The following SUGCT variants were observed in gnomAD, a reference collection of about 807,000 sequenced individuals.
SUGCT encodes the protein succinyl-CoA:glutarate CoA-transferase.
Under a neutral mutation model 55.0 loss-of-function variants are expected in SUGCT, and 41 were observed. That is an observed-to-expected ratio of 0.74 (90% CI 0.58 to 0.97). SUGCT has a LOEUF of 0.97. SUGCT is among the 50% of genes least tolerant of loss of function. The pLI is 0.00. For missense variants in SUGCT, 568 were observed against 547.8 expected, an observed-to-expected ratio of 1.04 and a Z score of -0.37; for synonymous variants, 187 against 200.4, an observed-to-expected ratio of 0.93 and a Z score of 0.56.
chr7:40,801,142 G>A (rs1439987327), intron 13 of SUGCT, among the ~76,000 whole-genome samples: 2 of 152,230 alleles, frequency 1.3e-5, no homozygotes, highest in Non-Finnish European at 2.9e-5. Flanking sequence ...CTGCCAGCAA[G>A]TGGCTTGATA....
chr7:40,908,243 C>G, the SUGCT span, among the ~76,000 whole-genome samples: 3 of 151,574 alleles, frequency 2.0e-5, no homozygotes, highest in African/African-American at 4.9e-5. Flanking sequence ...ATTAGCTGGG[C>G]GTGGTGGCGG....
chr7:40,612,012 C>CCT (rs369198545), intron 12 of SUGCT, among the ~76,000 whole-genome samples: 1,521 of 145,254 alleles, frequency 0.01, 12 homozygotes, highest in Non-Finnish European at 0.015. Flanking sequence ...ATTCCCCCCC[C>CCT]TTTTTTTTTT....
At chr7:40,249,513 A>G (rs2150926359) in intron 7 of SUGCT, among the ~76,000 whole-genome samples, 1 of 149,676 alleles carries the variant, frequency 6.7e-6, no homozygotes, top group East Asian at 1.9e-4. Flanking sequence ...ATATTATAGA[A>G]ATTATGGGTT....
intron 12 of SUGCT, among the ~76,000 whole-genome samples, chr7:40,497,818 G>A (rs1792067706): frequency 6.6e-6 from 1 of 151,868 alleles, no homozygotes; most frequent in Non-Finnish European, 1.5e-5. Context: ...TGTTTTATTA[G>A]AGATGAAGGC....
At chr7:40,307,432 T>A (rs6954108) in intron 8 of SUGCT, among the ~76,000 whole-genome samples, 143,667 of 152,008 alleles carry the variant, frequency 0.95, 68,422 homozygotes, top group East Asian at 1. Context: ...AGTTTGAGAG[T>A]AGTCTGATTC....
intron 1 of SUGCT, among the ~76,000 whole-genome samples, chr7:40,154,464 T>G (rs545298430): frequency 2.0e-5 from 3 of 152,320 alleles, no homozygotes; most frequent in African/African-American, 7.2e-5. Context: ...CTCTGAGATT[T>G]GGGTGTAGAA....
chr7:40,978,958 A>T, the SUGCT span, among the ~76,000 whole-genome samples: 88 of 152,364 alleles, frequency 5.8e-4, no homozygotes, highest in Admixed American at 1.0e-3. Flanking sequence ...TACAAAGATC[A>T]CTTTGGCTGA....
intron 8 of SUGCT, among the ~76,000 whole-genome samples, chr7:40,310,397 G>A (rs900525454): frequency 6.6e-6 from 1 of 152,126 alleles, no homozygotes; most frequent in Non-Finnish European, 1.5e-5. Flanking sequence ...GACTAAATAC[G>A]GAGCCAGGAT....
At chr7:41,001,225 A>G in the SUGCT span, among the ~76,000 whole-genome samples, 1 of 152,054 alleles carries the variant, frequency 6.6e-6, no homozygotes. Context: ...GCACTTCAAC[A>G]TTTAAGGTCA....
intron 12 of SUGCT, among the ~76,000 whole-genome samples, chr7:40,650,527 T>A (rs374587763): frequency 6.6e-6 from 1 of 152,194 alleles, no homozygotes; most frequent in Non-Finnish European, 1.5e-5. Flanking sequence ...TTTTACCTCC[T>A]CTTATAATCT....
At chr7:40,147,272 CA>C (rs138691190) in intron 1 of SUGCT, among the ~76,000 whole-genome samples, 5,646 of 152,204 alleles carry the variant, frequency 0.037, 337 homozygotes, top group African/African-American at 0.13. Flanking sequence ...GTGTGAGGTT[CA>C]ACCCCCTCCC....
At chr7:40,514,763 A>G (rs185308852) in intron 12 of SUGCT, among the ~76,000 whole-genome samples, 166 of 150,472 alleles carry the variant, frequency 1.1e-3, no homozygotes, top group African/African-American at 3.7e-3. Context: ...GCGATGAGAG[A>G]TTTGCTTCAA....
intron 12 of SUGCT, among the ~76,000 whole-genome samples, chr7:40,609,470 G>A (rs1798674502): frequency 6.6e-6 from 1 of 151,500 alleles, no homozygotes; most frequent in East Asian, 1.9e-4. Context: ...GGGAGGCTGA[G>A]GCAGGAGAAT....
chr7:40,321,883 C>T (rs945845598), intron 9 of SUGCT, among the ~76,000 whole-genome samples: 16 of 152,078 alleles, frequency 1.1e-4, no homozygotes, highest in African/African-American at 2.9e-4. Context: ...AATAGTGCTG[C>T]GATAAACATG....
chr7:40,185,667 C>T (rs943048266), intron 3 of SUGCT, among the ~76,000 whole-genome samples: 18 of 152,148 alleles, frequency 1.2e-4, no homozygotes, highest in Non-Finnish European at 1.8e-4. Context: ...GGATTACAGG[C>T]ATATGCCATC....
chr7:40,155,174 A>G (rs1396883729), intron 1 of SUGCT, among the ~76,000 whole-genome samples: 1 of 152,126 alleles, frequency 6.6e-6, no homozygotes, highest in Non-Finnish European at 1.5e-5. Flanking sequence ...AATTCCAGCT[A>G]CTTGGGAGGC....
At chr7:40,184,133 C>G (rs958366506) in intron 3 of SUGCT, among the ~76,000 whole-genome samples, 1 of 152,102 alleles carries the variant, frequency 6.6e-6, no homozygotes, top group Non-Finnish European at 1.5e-5. Context: ...CGAGACCATG[C>G]CATTGCACCC....
chr7:40,952,971 T>C, the SUGCT span, among the ~76,000 whole-genome samples: 120,868 of 152,002 alleles, frequency 0.8, 48,182 homozygotes, highest in Middle Eastern at 0.83. Context: ...GTGGCCTTCT[T>C]TCTATTTCCT....
At chr7:40,815,743 G>C (rs993398130) in intron 13 of SUGCT, among the ~76,000 whole-genome samples, 12 of 151,848 alleles carry the variant, frequency 7.9e-5, no homozygotes, top group Non-Finnish European at 1.6e-4. Context: ...AAGCAGAGAG[G>C]GCCTCCCTGT....
Sources: gnomAD v4.1 joint callset for allele counts (sites outside exome capture counted in the v4.1 genomes callset) on GRCh38, gnomAD v4.1.1 for gene constraint, MANE v1.5 for transcripts, NCBI Gene and HGNC (gene_info 2026-07-23, HGNC 2026-07-21) for gene names.